Variants in ANKS1B observed in about 807,000 individuals in gnomAD.
The protein encoded by ANKS1B is ankyrin repeat and sterile alpha motif domain-containing protein 1B.
ANKS1B carries 36 observed loss-of-function variants against 148.3 expected under a neutral mutation model. The ratio of observed to expected loss-of-function variants is 0.24; its 90% CI spans 0.19 to 0.32. The LOEUF (loss-of-function observed/expected upper bound fraction) is 0.32, where lower values mean the gene tolerates loss of function less well. ANKS1B is among the 10% of genes least tolerant of loss of function. The pLI is 1.00. For synonymous variants in ANKS1B, 542 were observed against 560.8 expected (o/e 0.97, Z 0.47); for missense variants, 1,157 against 1,542.6 (o/e 0.75, Z 4.19).
At chr12:99,090,205 C>T (rs2153643310) in intron 15 of ANKS1B, among the ~76,000 whole-genome samples, 1 of 152,270 alleles carries the variant, frequency 6.6e-6, no homozygotes, top group South Asian at 2.1e-4. Context: ...TTACCAAAAA[C>T]ATCTCAAAAA....
Position 98,768,426 on chromosome 12 carries a change from T to TAAAAAA in ANKS1B, c.3579+4610_3579+4615dup, listed in dbSNP as rs386377533. Reference sequence around the variant, plus strand: ...AAGGCCACCCCTGTGGGGTGCTCTCTAAAAAAAAAAAAAAAAAAAAAAAAA... The same window carrying TAAAAAA: ...AAGGCCACCCCTGTGGGGTGCTCTCTAAAAAAAAAAAAAAAAAAAAAAAAAAAAAAA... On this transcript the variant is annotated intron_variant, in intron 25 of 26. Coordinates refer to ENST00000683438, the MANE Select transcript of ANKS1B (RefSeq NM_001352186.2). Among the ~76,000 whole-genome samples, 62 of 46,688 alleles carry TAAAAAA rather than the reference T, an allele frequency of 1.3e-3. 5 individuals are homozygous for TAAAAAA. Among genetic ancestry groups the TAAAAAA allele is most frequent in the South Asian group, 1.4e-3 (1 of 716 alleles). The allele number at this position is 46,688 out of a possible 152,430, so 30.6% of individuals were successfully genotyped here. A position where few individuals can be genotyped will look rare whatever the true frequency, so the allele number is the denominator to read the frequency against.
rs188304767 is a variant in ANKS1B, at chr12:99,868,829, G to A, written c.135-43440C>T. Among the ~76,000 whole-genome samples the A allele has an allele frequency of 4.1e-3, 622 of 151,976 alleles. 3 individuals carry two copies. Among genetic ancestry groups the A allele is most frequent in the Non-Finnish European group, 7.0e-3 (474 of 67,938 alleles). ...TCCCAGCATTTTGGGAGGCCGAGGC[G>A]GGCAGATCATTTGAGATCAGGAGTT... is the stretch of plus-strand genomic sequence containing the variant. On this transcript the variant is annotated intron_variant, in intron 1 of 26. Transcript: ENST00000683438.
chr12:99,402,368 A>G (rs2094427875), intron 11 of ANKS1B, among the ~76,000 whole-genome samples: 2 of 145,882 alleles, frequency 1.4e-5, no homozygotes, highest in Admixed American at 6.8e-5. Flanking sequence ...TTTGTTACAT[A>G]GGTAAAGGTG....
intron 20 of ANKS1B, among the ~76,000 whole-genome samples, chr12:98,805,067 T>C (rs2153605949): frequency 6.6e-6 from 1 of 152,314 alleles, no homozygotes; most frequent in Non-Finnish European, 1.5e-5. Context: ...TTTTAAATTA[T>C]TATTGACACA....
At chr12:99,371,346 A>T (rs1288934824) in intron 12 of ANKS1B, among the ~76,000 whole-genome samples, 1 of 152,118 alleles carries the variant, frequency 6.6e-6, no homozygotes, top group Non-Finnish European at 1.5e-5. Context: ...TCTTGGTGAT[A>T]GTTTGATGGA....
At chr12:98,781,932 G>T (rs1370374994) in intron 23 of ANKS1B, among the ~76,000 whole-genome samples, 194 bp downstream of exon 23, 1 of 152,188 alleles carries the variant, frequency 6.6e-6, no homozygotes, top group African/African-American at 2.4e-5. Context: ...TGTGATAGAT[G>T]TTCACACTGG....
At chr12:98,962,670 T>G (rs1327202048) in intron 17 of ANKS1B, among the ~76,000 whole-genome samples, 1 of 152,132 alleles carries the variant, frequency 6.6e-6, no homozygotes, top group Non-Finnish European at 1.5e-5. Context: ...TGGATTATTC[T>G]CAAGGATAGA....
chr12:99,044,615 G>A (rs1374976453), intron 17 of ANKS1B, among the ~76,000 whole-genome samples: 4 of 152,174 alleles, frequency 2.6e-5, no homozygotes, highest in South Asian at 2.1e-4. Flanking sequence ...TGCACCCAAG[G>A]TAAGTTCTGG....
At chr12:99,812,467 C>T (rs559877982) in intron 2 of ANKS1B, among the ~76,000 whole-genome samples, 156 bp from the exon 3 acceptor site, 3 of 149,336 alleles carry the variant, frequency 2.0e-5, no homozygotes, top group South Asian at 2.1e-4. Context: ...TTTGCCTACT[C>T]AACATTTGGC....
At chr12:99,576,696 G>C (rs1035996684) in intron 9 of ANKS1B, among the ~76,000 whole-genome samples, 1 of 151,998 alleles carries the variant, frequency 6.6e-6, no homozygotes, top group East Asian at 1.9e-4. Flanking sequence ...TGAAAACAAA[G>C]ATACAGCATG....
At chr12:99,370,198 C>T (rs2093048917) in intron 12 of ANKS1B, among the ~76,000 whole-genome samples, 1 of 152,080 alleles carries the variant, frequency 6.6e-6, no homozygotes, top group Non-Finnish European at 1.5e-5. Context: ...CAAAAAGGCA[C>T]TGGTGGAGCT....
At chr12:98,839,664 T>C (rs933120680) in intron 17 of ANKS1B, among the ~76,000 whole-genome samples, 2 of 152,186 alleles carry the variant, frequency 1.3e-5, no homozygotes, top group Admixed American at 6.5e-5. Flanking sequence ...AGATTTTAGA[T>C]CCAGAATCAT....
At chr12:99,711,546 G>A (rs1201900988) in intron 8 of ANKS1B, among the ~76,000 whole-genome samples, 1 of 151,944 alleles carries the variant, frequency 6.6e-6, no homozygotes, top group Non-Finnish European at 1.5e-5. Context: ...CAAAGAACGT[G>A]AACACTTTCC....
At chr12:99,137,182 TA>T (rs1427407234) in intron 15 of ANKS1B, among the ~76,000 whole-genome samples, 1 of 152,218 alleles carries the variant, frequency 6.6e-6, no homozygotes, top group African/African-American at 2.4e-5. Context: ...TTACAGCTTC[TA>T]AAGTGCACTG....
chr12:99,440,209 G>A (rs1243900060), intron 11 of ANKS1B, among the ~76,000 whole-genome samples: 7 of 151,696 alleles, frequency 4.6e-5, no homozygotes, highest in Admixed American at 4.6e-4. Context: ...TCTATATTTT[G>A]TTTTGAGTGG....
At chr12:99,082,958 G>A (rs1270557331) in intron 16 of ANKS1B, among the ~76,000 whole-genome samples, 1 of 152,100 alleles carries the variant, frequency 6.6e-6, no homozygotes, top group East Asian at 1.9e-4. Context: ...AACAAAACTT[G>A]CTGAGAAGGT....
At position 98,814,615 on chromosome 12, in the gene ANKS1B, G is replaced by A. The variant is rs192431105; in HGVS notation, c.3067-6697C>T. 5.5e-3 allele frequency among the ~76,000 whole-genome samples: 837 copies of A among 152,256 alleles called. 7 individuals carry two copies. The highest frequency in any genetic ancestry group is 7.9e-3 in the Non-Finnish European group (535 of 68,016). On this transcript the variant is annotated intron_variant, in intron 19 of 26. Transcript: ENST00000683438. ...GAACATTTGTCATTAGCATACCTAG[G>A]TGTCAAAAGGCTGCTTGTAGAGCTT... is the stretch of plus-strand genomic sequence containing the variant.
intron 12 of ANKS1B, among the ~76,000 whole-genome samples, chr12:99,369,746 A>AT (rs2092985839): frequency 7.4e-6 from 1 of 134,450 alleles, no homozygotes; most frequent in Admixed American, 8.1e-5. Flanking sequence ...AAATGGATAG[A>AT]AAGATAGATA....
At chr12:99,477,985 CAAAGAATAAATCA>C (rs2096352571) in intron 10 of ANKS1B, among the ~76,000 whole-genome samples, 1 of 152,034 alleles carries the variant, frequency 6.6e-6, no homozygotes, top group Non-Finnish European at 1.5e-5. Flanking sequence ...CACCAGTAGA[CAAAGAATAAATCA>C]CAATACATAA....
Sources: gnomAD v4.1 joint callset for allele counts (sites outside exome capture counted in the v4.1 genomes callset) on GRCh38, gnomAD v4.1.1 for gene constraint, MANE v1.5 for transcripts, NCBI Gene and HGNC (gene_info 2026-07-23, HGNC 2026-07-21) for gene names.